ROBO1: variants seen among roughly 807,000 people sequenced by gnomAD.
The protein encoded by ROBO1 is roundabout homolog 1.
In ROBO1, 149 loss-of-function variants were observed where a neutral mutation model predicts 195.9. That is an observed-to-expected ratio of 0.76 (90% CI 0.67 to 0.87). The LOEUF is 0.87. Among genes scored for constraint, ROBO1 ranks in the 40% least tolerant of loss-of-function variants. ROBO1 has a pLI of 0.00. For synonymous variants in ROBO1, 816 were observed against 733.2 expected (o/e 1.11, Z -1.82); for missense variants, 1,933 against 2,068.3 (o/e 0.93, Z 1.27).
chr3:79,724,842 T>C (rs1170938195), intron 1 of ROBO1, among the ~76,000 whole-genome samples: 1 of 152,142 alleles, frequency 6.6e-6, no homozygotes, highest in East Asian at 1.9e-4. Flanking sequence ...CATAATACAC[T>C]TTTTAGACTG....
chr3:79,171,319 T>A (rs1053966163), intron 2 of ROBO1, among the ~76,000 whole-genome samples: 1 of 150,786 alleles, frequency 6.6e-6, no homozygotes, highest in Non-Finnish European at 1.5e-5. Flanking sequence ...AGAAACACTA[T>A]GCAGGAGTGT....
At chr3:79,765,836 C>T (rs994037607) in intron 1 of ROBO1, among the ~76,000 whole-genome samples, 3 of 152,138 alleles carry the variant, frequency 2.0e-5, no homozygotes, top group Non-Finnish European at 4.4e-5. Context: ...CATCTACGCT[C>T]CTTCCTCTGT....
chr3:78,722,540 C>T (rs1249973452), intron 5 of ROBO1, among the ~76,000 whole-genome samples: 1 of 152,060 alleles, frequency 6.6e-6, no homozygotes, highest in Admixed American at 6.6e-5. Context: ...GAGAAAAATG[C>T]ACTTTTGTAA....
intron 2 of ROBO1, among the ~76,000 whole-genome samples, chr3:79,201,440 A>C (rs576254309): frequency 1.3e-5 from 2 of 152,130 alleles, no homozygotes; most frequent in South Asian, 4.1e-4. Context: ...TATGTGTATT[A>C]GCTCATTTAG....
chr3:78,624,359 A>G (rs1478735756), intron 26 of ROBO1, among the ~76,000 whole-genome samples: 1 of 152,152 alleles, frequency 6.6e-6, no homozygotes, highest in Non-Finnish European at 1.5e-5. Context: ...AGCACTTTTT[A>G]AAAATGGGCT....
chr3:79,434,260 A>C (rs1317973596), intron 2 of ROBO1, among the ~76,000 whole-genome samples: 1 of 152,220 alleles, frequency 6.6e-6, no homozygotes, highest in Non-Finnish European at 1.5e-5. Flanking sequence ...AAAAGAAACT[A>C]TCATCAGAAT....
chr3:79,073,972 T>C (rs1044025571), intron 3 of ROBO1, among the ~76,000 whole-genome samples: 12 of 151,446 alleles, frequency 7.9e-5, no homozygotes, highest in African/African-American at 2.9e-4. Context: ...TTCTCTTCCC[T>C]GAAATGAATG....
intron 4 of ROBO1, among the ~76,000 whole-genome samples, chr3:78,916,084 T>C (rs981761991): frequency 2.0e-5 from 3 of 150,676 alleles, no homozygotes; most frequent in Non-Finnish European, 4.4e-5. Flanking sequence ...ACCCCGTCTC[T>C]ACTAAAAATA....
chr3:78,706,527 A>G (rs2081556350), intron 8 of ROBO1, among the ~76,000 whole-genome samples: 1 of 152,020 alleles, frequency 6.6e-6, no homozygotes, highest in South Asian at 2.1e-4. Flanking sequence ...TTTTTTTTTA[A>G]CACTGGGTCT....
intron 1 of ROBO1, among the ~76,000 whole-genome samples, chr3:79,634,843 T>G (rs1206714545): frequency 6.6e-6 from 1 of 152,178 alleles, no homozygotes; most frequent in Non-Finnish European, 1.5e-5. Flanking sequence ...TTTAACCATG[T>G]TTTGTCTTCT....
rs192976615 is a variant in ROBO1 at position 79,145,829 on chromosome 3, C to T, written c.89-20290G>A. Among the ~76,000 whole-genome samples the T allele has an allele frequency of 1.3e-4, 20 of 151,880 alleles. No homozygotes were observed. The East Asian group carries it at 2.1e-3, about 16-fold the overall frequency. ...TAAAAAACAGCACAGTAAAATAACA[C>T]GAATTAAATAAAATAAAATGATCAT... On this transcript the variant is annotated intron_variant, in intron 2 of 30. Transcript: ENST00000464233.
At chr3:78,966,303 G>A (rs2076644715) in intron 3 of ROBO1, among the ~76,000 whole-genome samples, 1 of 152,246 alleles carries the variant, frequency 6.6e-6, no homozygotes, top group African/African-American at 2.4e-5. Flanking sequence ...CTATGGTTAA[G>A]TGAAAATAAA....
At chr3:78,975,745 A>G (rs1409422049) in intron 3 of ROBO1, among the ~76,000 whole-genome samples, 1 of 152,196 alleles carries the variant, frequency 6.6e-6, no homozygotes, top group Non-Finnish European at 1.5e-5. Flanking sequence ...ATATGTGATT[A>G]CATAAGCACT....
At chr3:79,478,501 A>G (rs1311305674) in intron 2 of ROBO1, among the ~76,000 whole-genome samples, 11 of 150,732 alleles carry the variant, frequency 7.3e-5, no homozygotes, top group African/African-American at 2.7e-4. Context: ...CTCCCACTCC[A>G]TTATTTATAT....
chr3:78,817,309 T>C (rs1016248256), intron 4 of ROBO1, among the ~76,000 whole-genome samples: 2 of 152,232 alleles, frequency 1.3e-5, no homozygotes, highest in Admixed American at 6.5e-5. Context: ...AGATGATTGT[T>C]TGCATTTTTT....
Position 79,575,815 on chromosome 3 carries a change from T to C in ROBO1, c.88+14009A>G, listed in dbSNP as rs1017486545. Among the ~76,000 whole-genome samples, 3 of 151,770 alleles carry C rather than the reference T, an allele frequency of 2.0e-5. No individual in the cohort carries two copies. In the East Asian group the frequency reaches 5.8e-4, roughly 29 times the overall value. ...CGTAATAATTACAATAAAATCATCATTGTAGTCTAAAAATATATCACAGTG... is the reference window on the plus strand; with the variant it reads ...CGTAATAATTACAATAAAATCATCACTGTAGTCTAAAAATATATCACAGTG... On this transcript the variant is annotated intron_variant, in intron 2 of 30. Coordinates refer to ENST00000464233, the MANE Select transcript of ROBO1 (RefSeq NM_002941.4).
At chr3:79,412,497 T>C (rs776172998) in intron 2 of ROBO1, among the ~76,000 whole-genome samples, 5 of 152,148 alleles carry the variant, frequency 3.3e-5, no homozygotes, top group Non-Finnish European at 7.4e-5. Flanking sequence ...ACACCTCACT[T>C]CATTTCAAAC....
chr3:78,823,249 TC>T (rs2031208712), intron 4 of ROBO1, among the ~76,000 whole-genome samples: 1 of 151,680 alleles, frequency 6.6e-6, no homozygotes, highest in African/African-American at 2.4e-5. Flanking sequence ...CATCACATTT[TC>T]CCATCGTTTC....
intron 1 of ROBO1, among the ~76,000 whole-genome samples, chr3:79,688,667 A>T (rs1418295111): frequency 6.6e-6 from 1 of 152,064 alleles, no homozygotes; most frequent in Admixed American, 6.6e-5. Flanking sequence ...TCTATTTTAC[A>T]ATTTATAAGA....
Sources: gnomAD v4.1 joint callset for allele counts (sites outside exome capture counted in the v4.1 genomes callset) on GRCh38, gnomAD v4.1.1 for gene constraint, MANE v1.5 for transcripts, NCBI Gene and HGNC (gene_info 2026-07-23, HGNC 2026-07-21) for gene names.